Variants in KCNK10 observed in about 807,000 individuals in gnomAD.
The protein encoded by KCNK10 is potassium two pore domain channel subfamily K member 10, also known as potassium channel subfamily K member 10.
In KCNK10, 25 loss-of-function variants were observed where a neutral mutation model predicts 47.7. That is an observed-to-expected ratio of 0.52 (90% CI 0.38 to 0.73). The LOEUF is 0.73. KCNK10 is among the 30% of genes least tolerant of loss of function. The probability of loss-of-function intolerance (pLI) is 0.00; values close to 1 mark genes in which losing one functional copy is unlikely to be tolerated. For synonymous variants in KCNK10, 303 were observed against 285.6 expected, an observed-to-expected ratio of 1.06 and a Z score of -0.61; for missense variants, 563 against 714.5, an observed-to-expected ratio of 0.79 and a Z score of 2.42.
chr14:88,326,559 A>G, upstream of KCNK10: 1 of 842,818 alleles, frequency 1.2e-6, no homozygotes, highest in South Asian at 1.5e-5. Flanking sequence ...GAGACTGCCT[A>G]GCGTTCCTGC....
chr14:88,240,420 TG>T (rs1243241277), intron 3 of KCNK10, among the ~76,000 whole-genome samples: 1 of 152,226 alleles, frequency 6.6e-6, no homozygotes, highest in Non-Finnish European at 1.5e-5. Context: ...AAATGGAAGT[TG>T]AGCTCAAATG....
intron 1 of KCNK10, among the ~76,000 whole-genome samples, chr14:88,303,567 T>A (rs757317828): frequency 3.3e-5 from 5 of 151,838 alleles, no homozygotes; most frequent in Admixed American, 6.6e-5. Context: ...TATACGCTAG[T>A]AGGAATATTC....
chr14:88,281,339 A>G (rs978596583), intron 1 of KCNK10, among the ~76,000 whole-genome samples: 1 of 152,180 alleles, frequency 6.6e-6, no homozygotes, highest in African/African-American at 2.4e-5. Context: ...GGATGCTTAG[A>G]TATTTGGTCA....
At chr14:88,218,019 G>T (rs138621242) in intron 4 of KCNK10, among the ~76,000 whole-genome samples, 1 of 151,776 alleles carries the variant, frequency 6.6e-6, no homozygotes. Context: ...CACCACGCCC[G>T]GCTCGATTTT....
chr14:88,303,762 A>G (rs1888152919), intron 1 of KCNK10, among the ~76,000 whole-genome samples: 1 of 152,166 alleles, frequency 6.6e-6, no homozygotes, highest in Non-Finnish European at 1.5e-5. Flanking sequence ...TGGGGAAATG[A>G]AGTTGTTTCG....
intron 1 of KCNK10, among the ~76,000 whole-genome samples, chr14:88,280,682 G>C (rs1887632068): frequency 6.6e-6 from 1 of 152,178 alleles, no homozygotes; most frequent in Admixed American, 6.5e-5. Flanking sequence ...CTGAGAGGCA[G>C]CCTTACTTTC....
chr14:88,262,381 G>A (rs138347798), intron 2 of KCNK10, among the ~76,000 whole-genome samples: 33 of 152,202 alleles, frequency 2.2e-4, no homozygotes, highest in South Asian at 6.2e-4. Flanking sequence ...TTTCTTCCTC[G>A]TGGGAACTGC....
intron 2 of KCNK10, among the ~76,000 whole-genome samples, chr14:88,254,249 T>C (rs1886883559): frequency 6.6e-6 from 1 of 152,126 alleles, no homozygotes; most frequent in Non-Finnish European, 1.5e-5. Flanking sequence ...TCTGAGGGGA[T>C]TAGACCAACC....
chr14:88,264,438 G>C (rs1363975513), intron 1 of KCNK10, among the ~76,000 whole-genome samples: 1 of 152,196 alleles, frequency 6.6e-6, no homozygotes, highest in African/African-American at 2.4e-5. Context: ...TCATGGTGCA[G>C]GCTGGCTGTT....
At chr14:88,224,417 T>C (rs1009819427) in intron 4 of KCNK10, among the ~76,000 whole-genome samples, 1 of 152,238 alleles carries the variant, frequency 6.6e-6, no homozygotes. Context: ...AGAAGAATTC[T>C]TATTTATTCA....
At chr14:88,273,376 C>CA (rs1180119693) in intron 1 of KCNK10, among the ~76,000 whole-genome samples, 1 of 152,158 alleles carries the variant, frequency 6.6e-6, no homozygotes, top group African/African-American at 2.4e-5. Flanking sequence ...AGTACTATAC[C>CA]ATAGCAGCAT....
rs1884297002 is a variant in KCNK10 at position 88,180,261 on chromosome 14, C to T, written c.*5274G>A. The T allele has an allele frequency of 6.6e-6, 1 of 152,392 alleles. No individual in the cohort carries two copies. Among genetic ancestry groups the T allele is most frequent in the Admixed American group, 6.5e-5 (1 of 15,278 alleles). 9.4% of individuals were successfully genotyped at this position (152,392 alleles called of 1,614,324 possible). A position where few individuals can be genotyped will look rare whatever the true frequency, so the allele number is the denominator to read the frequency against. On this transcript the variant is annotated 3_prime_UTR_variant, in exon 7 of 7. Coordinates refer to ENST00000319231, the MANE Select transcript of KCNK10 (RefSeq NM_138317.3). ...TAAGAACATTATGAAATCTCCCTCC[C>T]CCCACATTATTTTCTGTAAAATGCC... is the stretch of plus-strand genomic sequence containing the variant.
At chr14:88,325,542 G>A (rs531721521), upstream of KCNK10, among the ~76,000 whole-genome samples, 1 of 152,290 alleles carries the variant, frequency 6.6e-6, no homozygotes, top group South Asian at 2.1e-4. Flanking sequence ...TCAAACCCAA[G>A]TTTGTTGACA....
At chr14:88,220,932 G>A (rs954180942) in intron 4 of KCNK10, among the ~76,000 whole-genome samples, 1 of 151,612 alleles carries the variant, frequency 6.6e-6, no homozygotes, top group African/African-American at 2.4e-5. Context: ...CCCACAGATT[G>A]GGAGAAAATA....
intron 1 of KCNK10, among the ~76,000 whole-genome samples, chr14:88,311,763 C>G (rs1208332513): frequency 6.6e-6 from 1 of 151,450 alleles, no homozygotes; most frequent in Admixed American, 6.6e-5. Context: ...AAAGGGGCTA[C>G]AGGAAGTGTT....
chr14:88,272,115 G>A (rs1368820430), intron 1 of KCNK10, among the ~76,000 whole-genome samples: 1 of 152,096 alleles, frequency 6.6e-6, no homozygotes, highest in East Asian at 1.9e-4. Context: ...CTAAAAGACA[G>A]TCCCTTCTCC....
intron 1 of KCNK10, among the ~76,000 whole-genome samples, chr14:88,279,949 G>A (rs1166339901): frequency 6.6e-6 from 1 of 152,152 alleles, no homozygotes; most frequent in Admixed American, 6.5e-5. Context: ...TTCTCTTGCT[G>A]CTGCCATGTA....
intron 2 of KCNK10, among the ~76,000 whole-genome samples, chr14:88,256,273 G>A (rs143575136): frequency 1.3e-5 from 2 of 152,264 alleles, no homozygotes; most frequent in South Asian, 2.1e-4. Context: ...CTGCAGTCAG[G>A]CATTGGGGAT....
chr14:88,287,812 T>A (rs1887799425), intron 1 of KCNK10, among the ~76,000 whole-genome samples: 1 of 152,062 alleles, frequency 6.6e-6, no homozygotes, highest in Non-Finnish European at 1.5e-5. Context: ...GCTAGAAACA[T>A]GCATGTATGA....
Sources: allele counts gnomAD v4.1 joint callset (sites outside exome capture counted in the v4.1 genomes callset), GRCh38; gene constraint gnomAD v4.1.1; transcripts MANE v1.5; gene names NCBI Gene and HGNC (gene_info 2026-07-23, HGNC 2026-07-21).